CLEC5A: variants seen among roughly 807,000 people sequenced by gnomAD.
CLEC5A encodes C-type lectin domain family 5 member A.
A neutral mutation model predicts 24.4 loss-of-function variants in CLEC5A; 15 were observed. The observed-to-expected ratio is 0.62, with a 90% CI of 0.41 to 0.95. CLEC5A has a LOEUF of 0.95. Among genes scored for constraint, CLEC5A ranks in the 40% least tolerant of loss-of-function variants. The pLI is 0.00. For synonymous variants in CLEC5A, 71 were observed against 72.6 expected, an observed-to-expected ratio of 0.98 and a Z score of 0.11; for missense variants, 211 against 224.0, an observed-to-expected ratio of 0.94 and a Z score of 0.37.
In CLEC5A at chr7:141,927,890, A is replaced by G. The variant is rs1406224943; in HGVS notation, c.*2214T>C. ...AATGTCTAATGCCATTGAGATACAT[A>G]GAGGAATGTTATTTAATATGTGCAA... is the stretch of plus-strand genomic sequence containing the variant. On this transcript the variant is annotated 3_prime_UTR_variant, in exon 7 of 7. Coordinates refer to ENST00000546910, the MANE Select transcript of CLEC5A (RefSeq NM_013252.3). 1.3e-5 allele frequency: 2 copies of G among 152,234 alleles called. No homozygotes were observed. The highest frequency in any genetic ancestry group is 2.9e-5 in the Non-Finnish European group (2 of 68,036). The allele number at this position is 152,234 out of a possible 1,614,324, so 9.4% of individuals were successfully genotyped here.
intron 3 of CLEC5A, 34 bp downstream of exon 3, chr7:141,945,307 G>A (rs782780298): frequency 3.4e-6 from 5 of 1,467,532 alleles, no homozygotes; most frequent in Non-Finnish European, 3.8e-6. Context: ...AGTAGCAGGA[G>A]GATGGGGAGA....
chr7:141,944,172 TTCA>T (rs1802883567), intron 3 of CLEC5A, among the ~76,000 whole-genome samples: 1 of 152,162 alleles, frequency 6.6e-6, no homozygotes, highest in African/African-American at 2.4e-5. Flanking sequence ...CAAATCCTAT[TTCA>T]TGTCTCCTTT....
chr7:141,930,856 A>G (rs1372592170), intron 6 of CLEC5A, among the ~76,000 whole-genome samples: 2 of 152,232 alleles, frequency 1.3e-5, no homozygotes, highest in Admixed American at 6.5e-5. Context: ...TTCATGTAGC[A>G]TCATGGGGAA....
chr7:141,934,612 CGTTT>C lies in CLEC5A; in HGVS notation c.345+1198_345+1201del, dbSNP rs60662162. 6.3e-3 allele frequency among the ~76,000 whole-genome samples: 521 copies of C among 83,150 alleles called. 10 individuals are homozygous for C. Among genetic ancestry groups the C allele is most frequent in the African/African-American group, 0.023 (471 of 20,802 alleles). 54.5% of individuals were successfully genotyped at this position (83,150 alleles called of 152,430 possible). A position where few individuals can be genotyped will look rare whatever the true frequency, so the allele number is the denominator to read the frequency against. ...TGATGACCTTTGTCTTTTTCTTTAA[CGTTT>C]TTTTTTTTTTTTTTTTTTTTTTTTT... On this transcript the variant is annotated intron_variant, in intron 5 of 6. Transcript: ENST00000546910.
intron 6 of CLEC5A, 75 bp from the exon 7 acceptor site, chr7:141,930,293 C>T (rs1802419092): frequency 8.1e-6 from 9 of 1,105,894 alleles, no homozygotes; most frequent in Non-Finnish European, 1.2e-5. Context: ...CATTTTAGCC[C>T]AGCCTCTTCC....
At chr7:141,940,971 T>C (rs1802779144) in intron 4 of CLEC5A, among the ~76,000 whole-genome samples, 1 of 152,028 alleles carries the variant, frequency 6.6e-6, no homozygotes, top group Admixed American at 6.6e-5. Context: ...CAGGATCCAA[T>C]GATTTCACTG....
rs764463810 is a variant in CLEC5A at position 141,929,432 on chromosome 7, C to T, written c.*672G>A. On this transcript the variant is annotated 3_prime_UTR_variant, in exon 7 of 7. Coordinates refer to ENST00000546910, the MANE Select transcript of CLEC5A (RefSeq NM_013252.3). The stretch of plus-strand genomic sequence containing the variant: ...AAGGGAATTTTTAGCTTAAGTGTCT[C>T]TTCAGGGCTTTGCTGAAGAACAGAA... 75 of 152,334 alleles carry T rather than the reference C, an allele frequency of 4.9e-4. 1 individual carries two copies. Among genetic ancestry groups the T allele is most frequent in the African/African-American group, 1.8e-3 (75 of 41,556 alleles). The allele number at this position is 152,334 out of a possible 1,614,324, so 9.4% of individuals were successfully genotyped here.
At chr7:141,944,026 T>TCA in intron 3 of CLEC5A, 62 bp from the exon 4 acceptor site, 1 of 957,340 alleles carries the variant, frequency 1.0e-6, no homozygotes, top group Admixed American at 1.7e-5. Flanking sequence ...AACAGAAACA[T>TCA]CAGAGTATGG....
At chr7:141,938,266 A>G (rs1802688619) in intron 4 of CLEC5A, among the ~76,000 whole-genome samples, 1 of 152,180 alleles carries the variant, frequency 6.6e-6, no homozygotes, top group Admixed American at 6.5e-5. Flanking sequence ...AACTCAAAGA[A>G]ATTCAAGATA....
chr7:141,931,228 G>T (rs1271855530), intron 6 of CLEC5A, among the ~76,000 whole-genome samples: 1 of 152,130 alleles, frequency 6.6e-6, no homozygotes, highest in Non-Finnish European at 1.5e-5. Flanking sequence ...AAGCCCTTTT[G>T]ATCAGTCAGA....
intron 4 of CLEC5A, among the ~76,000 whole-genome samples, chr7:141,942,602 G>T (rs1396543185): frequency 3.3e-5 from 5 of 151,942 alleles, no homozygotes; most frequent in African/African-American, 9.7e-5. Context: ...AAAAGCTTCT[G>T]CCCAGCAAAG....
At chr7:141,946,518 A>T (rs141277378) in intron 1 of CLEC5A, among the ~76,000 whole-genome samples, 35 of 152,316 alleles carry the variant, frequency 2.3e-4, no homozygotes, top group African/African-American at 8.2e-4. Context: ...AACTTGGCAT[A>T]CTGCCTCTCC....
rs994616501 is a variant in CLEC5A, at chr7:141,927,466, A to G, written c.*2638T>C. 1 of 152,268 alleles carries G rather than the reference A, an allele frequency of 6.6e-6. No individual in the cohort carries two copies. Among genetic ancestry groups the G allele is most frequent in the Admixed American group, 6.5e-5 (1 of 15,288 alleles). The allele number at this position is 152,268 out of a possible 1,614,324, so 9.4% of individuals were successfully genotyped here. A position where few individuals can be genotyped will look rare whatever the true frequency, so the allele number is the denominator to read the frequency against. Reference sequence around the variant, plus strand: ...AGGATGAAGGCCAGATGGAGATTGCATCAGTTAGATTTTGCTATACGAGAG... The same window carrying G: ...AGGATGAAGGCCAGATGGAGATTGCGTCAGTTAGATTTTGCTATACGAGAG... On this transcript the variant is annotated 3_prime_UTR_variant, in exon 7 of 7. Transcript: ENST00000546910.
Position 141,945,596 on chromosome 7 carries a change from CATG to C in CLEC5A, c.80-199_80-197del, listed in dbSNP as rs112250528. 4.3e-3 allele frequency among the ~76,000 whole-genome samples: 657 copies of C among 152,282 alleles called. 5 individuals carry two copies. The highest frequency in any genetic ancestry group is 0.015 in the African/African-American group (631 of 41,554). On this transcript the variant is annotated intron_variant, in intron 2 of 6. Coordinates refer to ENST00000546910, the MANE Select transcript of CLEC5A (RefSeq NM_013252.3). ...TTCATATTTCTGTCCTGCTGTCTGA[CATG>C]ATAGGAATTGCACCTTCAGATTGCA...
chr7:141,943,121 C>G (rs1276438797), intron 4 of CLEC5A, among the ~76,000 whole-genome samples: 72 of 152,262 alleles, frequency 4.7e-4, no homozygotes, highest in African/African-American at 1.7e-3. Flanking sequence ...GACATCTGCA[C>G]TCCCGTTTTT....
chr7:141,934,720 G>A (rs1802569214), intron 5 of CLEC5A, among the ~76,000 whole-genome samples: 1 of 134,696 alleles, frequency 7.4e-6, no homozygotes, highest in Non-Finnish European at 1.5e-5. Context: ...CCGCCTCCTG[G>A]ATTCAAGCAA....
chr7:141,934,612 CG>C (rs1563074259), intron 5 of CLEC5A, among the ~76,000 whole-genome samples: 16 of 83,170 alleles, frequency 1.9e-4, no homozygotes, highest in South Asian at 1.6e-3. Flanking sequence ...TTTTCTTTAA[CG>C]TTTTTTTTTT....
At chr7:141,937,934 C>T (rs1441221107) in intron 4 of CLEC5A, among the ~76,000 whole-genome samples, 1 of 152,316 alleles carries the variant, frequency 6.6e-6, no homozygotes, top group East Asian at 1.9e-4. Context: ...CAGGTGGGTA[C>T]CTCTACGAGT....
In CLEC5A at chr7:141,928,118, T is replaced by C. The variant is rs1199328610; in HGVS notation, c.*1986A>G. The C allele has an allele frequency of 1.3e-5, 2 of 152,132 alleles. No individual in the cohort carries two copies. Among genetic ancestry groups the C allele is most frequent in the African/African-American group, 4.8e-5 (2 of 41,388 alleles). 9.4% of individuals were successfully genotyped at this position (152,132 alleles called of 1,614,324 possible). A position where few individuals can be genotyped will look rare whatever the true frequency, so the allele number is the denominator to read the frequency against. On this transcript the variant is annotated 3_prime_UTR_variant, in exon 7 of 7. Coordinates refer to ENST00000546910, the MANE Select transcript of CLEC5A (RefSeq NM_013252.3). ...TAATAAAGATCACATTTATCTAAGC[T>C]TGCAAGGATCCAGGAACTCTTCCAA... is the stretch of plus-strand genomic sequence containing the variant.
Sources: gnomAD v4.1 joint callset for allele counts (sites outside exome capture counted in the v4.1 genomes callset) on GRCh38, gnomAD v4.1.1 for gene constraint, MANE v1.5 for transcripts, NCBI Gene and HGNC (gene_info 2026-07-23, HGNC 2026-07-21) for gene names.